LCK: variants seen among roughly 807,000 people sequenced by gnomAD.
LCK encodes tyrosine-protein kinase Lck.
A neutral mutation model predicts 64.6 loss-of-function variants in LCK; 14 were observed. The ratio of observed to expected loss-of-function variants is 0.22; its 90% confidence interval spans 0.14 to 0.34. The LOEUF (loss-of-function observed/expected upper bound fraction) is 0.34, where lower values mean the gene tolerates loss of function less well. Among genes scored for constraint, LCK ranks in the 10% least tolerant of loss-of-function variants. The pLI is 1.00. For synonymous variants in LCK, 277 were observed against 263.6 expected, an observed-to-expected ratio of 1.05 and a Z score of -0.49; for missense variants, 434 against 668.1, an observed-to-expected ratio of 0.65 and a Z score of 3.86.
chr1:32,284,239 G>A (rs1640546672), intron 12 of LCK, among the ~76,000 whole-genome samples: 1 of 146,206 alleles, frequency 6.8e-6, no homozygotes, highest in South Asian at 2.2e-4. Context: ...GGATAGATTT[G>A]ATGCTTTCTG....
chr1:32,259,315 GA>G (rs990623408), intron 1 of LCK, among the ~76,000 whole-genome samples: 62 of 143,014 alleles, frequency 4.3e-4, no homozygotes, highest in Non-Finnish European at 7.6e-4. Context: ...AAAAGAAAAA[GA>G]AAAAAAAAAT....
intron 1 of LCK, among the ~76,000 whole-genome samples, chr1:32,273,342 G>A (rs1375713106): frequency 1.3e-5 from 2 of 150,018 alleles, no homozygotes; most frequent in East Asian, 2.0e-4. Flanking sequence ...GATAGGGGGT[G>A]CCTCTGTGTG....
In LCK at chr1:32,275,203, G is replaced by T; in HGVS notation, c.279-118G>T. On this transcript the variant is annotated intron_variant, in intron 4 of 12. Transcript: ENST00000336890. This position sits in a 1 kb window ranked among gnomAD's most constrained non-coding sequence, Gnocchi z 6.9. ...TGGCCGCCCTTGGGACAAAATTCGAGGCTCAGTATTGCTGAGCCAGGGTTG... is the reference window on the plus strand; with the variant it reads ...TGGCCGCCCTTGGGACAAAATTCGATGCTCAGTATTGCTGAGCCAGGGTTG... 1 of 1,456,408 alleles carries T rather than the reference G, an allele frequency of 6.9e-7. No individual in the cohort carries two copies. Among genetic ancestry groups the T allele is most frequent in the Middle Eastern group, 1.8e-4 (1 of 5,450 alleles). 90.2% of individuals were successfully genotyped at this position (1,456,408 alleles called of 1,614,324 possible). A position where few individuals can be genotyped will look rare whatever the true frequency, so the allele number is the denominator to read the frequency against.
chr1:32,264,853 C>T (rs1431114899), intron 1 of LCK, among the ~76,000 whole-genome samples: 1 of 152,108 alleles, frequency 6.6e-6, no homozygotes, highest in African/African-American at 2.4e-5. Flanking sequence ...TCTCCTCAGC[C>T]TCCCAAAGTG....
At chr1:32,268,380 G>A (rs978381177) in intron 1 of LCK, among the ~76,000 whole-genome samples, 5 of 151,476 alleles carry the variant, frequency 3.3e-5, no homozygotes, top group Admixed American at 3.3e-4. Context: ...TGGTGCAATC[G>A]TAGCTCACTG....
At position 32,275,784 on chromosome 1, in the gene LCK, G is replaced by C; in HGVS notation, c.481+112G>C. The C allele has an allele frequency of 7.1e-7, 1 of 1,408,730 alleles. No homozygotes were observed. The allele number at this position is 1,408,730 out of a possible 1,614,324, so 87.3% of individuals were successfully genotyped here. ...CGGGGTGAGTCGGAGGGGGACGCGG[G>C]ATGAGCCCGAGGTGGGGGCGCGGGA... is the stretch of plus-strand genomic sequence containing the variant. On this transcript the variant is annotated intron_variant, in intron 6 of 12. Transcript: ENST00000336890. The surrounding 1 kb of genome is among the most constrained non-coding windows in gnomAD (Gnocchi z 6.9).
Position 32,272,144 on chromosome 1 carries a change from C to T in LCK, c.-5-2181C>T, listed in dbSNP as rs554252943. On this transcript the variant is annotated intron_variant, in intron 1 of 12. Transcript: ENST00000336890. ...ACTAAAAATACAAAAGTTAGCCAAGCGTGATGGTGCATGCCTGTAATCCCA... is the reference window on the plus strand; with the variant it reads ...ACTAAAAATACAAAAGTTAGCCAAGTGTGATGGTGCATGCCTGTAATCCCA... Among the ~76,000 whole-genome samples the T allele has an allele frequency of 5.3e-5, 8 of 149,910 alleles. No homozygotes were observed. The East Asian group carries it at 1.4e-3, about 26-fold the overall frequency.
At position 32,267,881 on chromosome 1, in the gene LCK, C is replaced by T. The variant is rs189254475; in HGVS notation, c.-5-6444C>T. On this transcript the variant is annotated intron_variant, in intron 1 of 12. Transcript: ENST00000336890. The stretch of plus-strand genomic sequence containing the variant: ...TGCACTCCAGCCTGGGCAACAAGAG[C>T]GAAACTCTGTCTCAAAAAATAATAA... Among the ~76,000 whole-genome samples the T allele has an allele frequency of 6.2e-4, 86 of 139,736 alleles. 1 individual carries two copies. The East Asian group carries it at 9.7e-3, about 16-fold the overall frequency. 91.7% of individuals were successfully genotyped at this position (139,736 alleles called of 152,430 possible).
chr1:32,265,876 C>T (rs1036850897), intron 1 of LCK, among the ~76,000 whole-genome samples: 2 of 152,064 alleles, frequency 1.3e-5, no homozygotes, highest in Non-Finnish European at 2.9e-5. Flanking sequence ...AGTCTTGCTA[C>T]GTTGCCCAGG....
At chr1:32,263,562 C>T (rs991617701) in intron 1 of LCK, among the ~76,000 whole-genome samples, 1 of 151,492 alleles carries the variant, frequency 6.6e-6, no homozygotes, top group African/African-American at 2.4e-5. Context: ...CATGGTGAAA[C>T]CTTGTCACTG....
At position 32,285,797 on chromosome 1, in the gene LCK, A is replaced by G; in HGVS notation, c.*81A>G. Reference sequence around the variant, plus strand: ...GATGGAGTTCTTGTGCCATAGTCACATGGCCTATGCACATATGGACTCTGC... The same window carrying G: ...GATGGAGTTCTTGTGCCATAGTCACGTGGCCTATGCACATATGGACTCTGC... On this transcript the variant is annotated 3_prime_UTR_variant, in exon 13 of 13. Coordinates refer to ENST00000336890, the MANE Select transcript of LCK (RefSeq NM_005356.5). 7.0e-7 allele frequency: 1 copy of G among 1,424,956 alleles called. No individual in the cohort carries two copies. The highest frequency in any genetic ancestry group is 9.6e-7 in the Non-Finnish European group (1 of 1,037,158). The allele number at this position is 1,424,956 out of a possible 1,614,324, so 88.3% of individuals were successfully genotyped here. A position where few individuals can be genotyped will look rare whatever the true frequency, so the allele number is the denominator to read the frequency against.
intron 1 of LCK, among the ~76,000 whole-genome samples, chr1:32,255,778 A>G (rs954557638): frequency 6.6e-6 from 1 of 151,094 alleles, no homozygotes; most frequent in Admixed American, 6.6e-5. Flanking sequence ...AATCTGGCAC[A>G]TAGGAGGTAC....
At chr1:32,272,524 G>A (rs1640104292) in intron 1 of LCK, among the ~76,000 whole-genome samples, 1 of 150,972 alleles carries the variant, frequency 6.6e-6, no homozygotes, top group Non-Finnish European at 1.5e-5. Flanking sequence ...GGTCTAAGGG[G>A]ATTGCGCCAC....
chr1:32,265,394 T>C (rs1639882719), intron 1 of LCK, among the ~76,000 whole-genome samples: 2 of 152,234 alleles, frequency 1.3e-5, no homozygotes. Context: ...CAAACATTTC[T>C]GGCATTGCCA....
At chr1:32,268,721 G>A (rs372016125) in intron 1 of LCK, among the ~76,000 whole-genome samples, 20 of 151,482 alleles carry the variant, frequency 1.3e-4, no homozygotes, top group African/African-American at 4.6e-4. Flanking sequence ...ACTGAGGTAG[G>A]AGAATCGCTT....
intron 1 of LCK, among the ~76,000 whole-genome samples, chr1:32,253,171 G>A (rs1300362470): frequency 2.8e-4 from 43 of 152,168 alleles, no homozygotes; most frequent in Admixed American, 2.8e-3. Flanking sequence ...CTTGAGACCA[G>A]GCTGGCCGAC....
rs373269203 is a variant in LCK, at chr1:32,279,795, G to T, written c.1042-46G>T. On this transcript the variant is annotated intron_variant, in intron 10 of 12. Transcript: ENST00000336890. ...CTGGGCAAGGGAACAGACCAGTGAC[G>T]TGAAGACATCTGGCTCAGGACCGCT... The T allele has an allele frequency of 2.5e-6, 4 of 1,612,198 alleles. No homozygotes were observed. The East Asian group carries it at 8.9e-5, about 36-fold the overall frequency.
At chr1:32,269,749 A>G (rs1640028053) in intron 1 of LCK, among the ~76,000 whole-genome samples, 1 of 151,910 alleles carries the variant, frequency 6.6e-6, no homozygotes, top group South Asian at 2.1e-4. Context: ...TATTAAAAAA[A>G]GAAAAAAGAA....
intron 1 of LCK, among the ~76,000 whole-genome samples, chr1:32,271,583 G>A (rs1432465136): frequency 1.3e-5 from 2 of 152,214 alleles, no homozygotes; most frequent in Non-Finnish European, 2.9e-5. Flanking sequence ...AGGATCACTT[G>A]AGCCCAGGAG....
Sources: allele counts gnomAD v4.1 joint callset (sites outside exome capture counted in the v4.1 genomes callset), GRCh38; gene constraint gnomAD v4.1.1; non-coding constraint Gnocchi (gnomAD v3.1); transcripts MANE v1.5; gene names NCBI Gene and HGNC (gene_info 2026-07-23, HGNC 2026-07-21).